Variants in ZCCHC24 observed in about 807,000 individuals in gnomAD.
The protein encoded by ZCCHC24 is zinc finger CCHC domain-containing protein 24.
Under a neutral mutation model 26.2 loss-of-function variants are expected in ZCCHC24, and 10 were observed. The observed-to-expected ratio is 0.38, with a 90% confidence interval of 0.24 to 0.65. ZCCHC24 has a LOEUF of 0.65. Among genes scored for constraint, ZCCHC24 ranks in the 30% least tolerant of loss-of-function variants. The pLI, the probability that ZCCHC24 is intolerant of heterozygous loss-of-function variation, is 0.54. For missense variants in ZCCHC24, 243 were observed against 329.1 expected, an observed-to-expected ratio of 0.74 and a Z score of 2.03; for synonymous variants, 144 against 147.1, an observed-to-expected ratio of 0.98 and a Z score of 0.15.
chr10:79,417,008 C>T (rs1856871649), intron 2 of ZCCHC24, among the ~76,000 whole-genome samples: 1 of 152,248 alleles, frequency 6.6e-6, no homozygotes, highest in African/African-American at 2.4e-5. Context: ...ACTGAAGCCA[C>T]AGCAACGCAA....
intron 2 of ZCCHC24, among the ~76,000 whole-genome samples, chr10:79,429,925 C>T (rs116819925): frequency 0.01 from 1,532 of 152,240 alleles, 26 homozygotes; most frequent in African/African-American, 0.034. Context: ...CTTGAGCTGG[C>T]GTGGTCAGAT....
chr10:79,404,076 T>C (rs912344659), intron 2 of ZCCHC24, among the ~76,000 whole-genome samples: 4 of 151,752 alleles, frequency 2.6e-5, no homozygotes, highest in African/African-American at 7.3e-5. Context: ...AGGCGAGACA[T>C]GATGCAGAAA....
intron 2 of ZCCHC24, among the ~76,000 whole-genome samples, chr10:79,418,815 CT>C (rs1207626303): frequency 3.3e-5 from 5 of 152,136 alleles, no homozygotes; most frequent in African/African-American, 1.2e-4. Flanking sequence ...AAACCAGGTT[CT>C]GGGGAAGGGG....
chr10:79,428,779 G>T (rs1380829834), intron 2 of ZCCHC24, among the ~76,000 whole-genome samples: 1 of 151,862 alleles, frequency 6.6e-6, no homozygotes, highest in East Asian at 1.9e-4. Flanking sequence ...GCAAGAATCA[G>T]AAATGAAAGA....
Position 79,445,297 on chromosome 10 carries a change from G to A in ZCCHC24, c.144C>T (p.Ala48=), listed in dbSNP as rs544827033. 7.1e-4 allele frequency: 1,056 copies of A among 1,489,614 alleles called. 8 individuals carry two copies. The African/African-American group carries it at 0.014, about 19-fold the overall frequency. 92.3% of individuals were successfully genotyped at this position (1,489,614 alleles called of 1,614,324 possible). A position where few individuals can be genotyped will look rare whatever the true frequency, so the allele number is the denominator to read the frequency against. The part of the protein sequence containing the change: ...DAFRPEPTAG[A]APPELAFGKG... The stretch of plus-strand genomic sequence containing the variant: ...TGCCGAAGGCCAGCTCCGGGGGTGC[G>A]GCGCCGGCGGTCGGCTCGGGCCGGA... The change falls in exon 1 of 4, where the codon GCC becomes GCT. Residue 48 remains alanine (A), a synonymous_variant. Transcript: ENST00000372336.
intron 2 of ZCCHC24, among the ~76,000 whole-genome samples, chr10:79,411,913 G>A (rs911663575): frequency 1.1e-4 from 17 of 152,126 alleles, no homozygotes; most frequent in African/African-American, 2.7e-4. Context: ...CAAGTCCACC[G>A]TCCCCAGTCC....
chr10:79,384,500 GAAC>G lies in ZCCHC24; in HGVS notation c.*1842_*1844del, dbSNP rs1220428332. 1 of 152,406 alleles carries G rather than the reference GAAC, an allele frequency of 6.6e-6. No individual in the cohort carries two copies. Among genetic ancestry groups the G allele is most frequent in the African/African-American group, 2.4e-5 (1 of 41,452 alleles). The allele number at this position is 152,406 out of a possible 1,614,324, so 9.4% of individuals were successfully genotyped here. A position where few individuals can be genotyped will look rare whatever the true frequency, so the allele number is the denominator to read the frequency against. On this transcript the variant is annotated 3_prime_UTR_variant, in exon 4 of 4. Transcript: ENST00000372336. The stretch of plus-strand genomic sequence containing the variant: ...ACCTCAACACCTTGGAGAAGACGGG[GAAC>G]AACGTGCTCGGGGAGTCCTCAGTGG...
intron 2 of ZCCHC24, among the ~76,000 whole-genome samples, chr10:79,405,749 A>G (rs976078862): frequency 6.6e-6 from 1 of 152,132 alleles, no homozygotes; most frequent in Admixed American, 6.5e-5. Flanking sequence ...CCCTGGGAGG[A>G]GGGGACAGGG....
chr10:79,444,165 G>C, intron 1 of ZCCHC24: 1 of 1,543,246 alleles, frequency 6.5e-7, no homozygotes, highest in East Asian at 2.5e-5. Context: ...CACACCTCTT[G>C]CATCTTTGCA....
chr10:79,432,846 C>T (rs772439081), intron 1 of ZCCHC24, 88 bp from the exon 2 acceptor site: 50 of 1,418,852 alleles, frequency 3.5e-5, no homozygotes, highest in Non-Finnish European at 4.4e-5. Flanking sequence ...TGGATTCACA[C>T]TGAGTCTTCA....
At chr10:79,398,869 A>C (rs1429415117) in intron 2 of ZCCHC24, among the ~76,000 whole-genome samples, 1 of 152,164 alleles carries the variant, frequency 6.6e-6, no homozygotes, top group Non-Finnish European at 1.5e-5. Flanking sequence ...ACAGATGGTG[A>C]AACTGAGGCA....
intron 2 of ZCCHC24, among the ~76,000 whole-genome samples, chr10:79,427,255 A>G (rs1857042648): frequency 6.6e-6 from 1 of 152,204 alleles, no homozygotes; most frequent in Non-Finnish European, 1.5e-5. Context: ...AGGCTTAAAT[A>G]TCCCCACTTA....
intron 2 of ZCCHC24, among the ~76,000 whole-genome samples, chr10:79,428,391 T>TATTTCAGTTTTGCAAGATAA (rs1388582241): frequency 0.034 from 3,613 of 105,076 alleles, 128 homozygotes; most frequent in Non-Finnish European, 0.042. Context: ...ATGGGTACAG[T>TATTTCAGTTTTGCAAGATAA]ATTTCAGTTT....
rs544245071 is a variant in ZCCHC24 at position 79,426,697 on chromosome 10, C to A, written c.447+5861G>T. 7.9e-5 allele frequency among the ~76,000 whole-genome samples: 12 copies of A among 152,082 alleles called. No individual in the cohort carries two copies. In the South Asian group the frequency reaches 2.5e-3, roughly 32 times the overall value. On this transcript the variant is annotated intron_variant, in intron 2 of 3. Transcript: ENST00000372336. ...CTCACAAAACATAGTGAAAAAAAATCATTAAAGAAATTAAAATGTTAGTTA... is the reference window on the plus strand; with the variant it reads ...CTCACAAAACATAGTGAAAAAAAATAATTAAAGAAATTAAAATGTTAGTTA...
At chr10:79,417,165 G>A (rs1475215415) in intron 2 of ZCCHC24, among the ~76,000 whole-genome samples, 1 of 138,148 alleles carries the variant, frequency 7.2e-6, no homozygotes, top group African/African-American at 2.5e-5. Flanking sequence ...CACAGAGGGA[G>A]GACTGATGCA....
At chr10:79,441,583 T>C (rs1857292064) in intron 1 of ZCCHC24, among the ~76,000 whole-genome samples, 1 of 152,106 alleles carries the variant, frequency 6.6e-6, no homozygotes, top group African/African-American at 2.4e-5. Context: ...TCTGCTCAAA[T>C]AGGTGTGGGA....
intron 2 of ZCCHC24, among the ~76,000 whole-genome samples, chr10:79,431,329 A>G (rs1052291965): frequency 2.0e-5 from 3 of 152,174 alleles, no homozygotes; most frequent in Non-Finnish European, 4.4e-5. Flanking sequence ...CTCTGCTGGG[A>G]GCCAATAGCC....
At chr10:79,401,009 TGA>T (rs1386646995) in intron 2 of ZCCHC24, among the ~76,000 whole-genome samples, 1 of 152,222 alleles carries the variant, frequency 6.6e-6, no homozygotes, top group Non-Finnish European at 1.5e-5. Flanking sequence ...TTTTAGACAA[TGA>T]GTCCCTTTTG....
intron 2 of ZCCHC24, among the ~76,000 whole-genome samples, chr10:79,428,505 G>T (rs1857077874): frequency 8.5e-6 from 1 of 118,094 alleles, no homozygotes; most frequent in African/African-American, 3.3e-5. Context: ...GAGCTCTGTG[G>T]CTGGAAGGTG....
Sources: gnomAD v4.1 joint callset for allele counts (sites outside exome capture counted in the v4.1 genomes callset) on GRCh38, gnomAD v4.1.1 for gene constraint, MANE v1.5 for transcripts, NCBI Gene and HGNC (gene_info 2026-07-23, HGNC 2026-07-21) for gene names.